The following SKA3 variants were observed in gnomAD, a reference collection of about 807,000 sequenced individuals.
SKA3 encodes spindle and kinetochore-associated protein 3.
In SKA3, 39 loss-of-function variants were observed where a neutral mutation model predicts 44.2. That is an observed-to-expected ratio of 0.88 (90% CI 0.68 to 1.15). The LOEUF is 1.15. Ranked by LOEUF, SKA3 falls within the 50% of genes most tolerant of loss-of-function variation. The probability of loss-of-function intolerance (pLI) is 0.00; values close to 1 mark genes in which losing one functional copy is unlikely to be tolerated. For synonymous variants in SKA3, 192 were observed against 172.0 expected, an observed-to-expected ratio of 1.12 and a Z score of -0.91; for missense variants, 511 against 485.8, an observed-to-expected ratio of 1.05 and a Z score of -0.49.
At chr13:21,170,881 G>T (rs917278341) in intron 3 of SKA3, among the ~76,000 whole-genome samples, 5 of 151,534 alleles carry the variant, frequency 3.3e-5, no homozygotes, top group South Asian at 4.2e-4. Flanking sequence ...GATTCCACGT[G>T]GGGGGTGGTG....
intron 4 of SKA3, among the ~76,000 whole-genome samples, chr13:21,164,066 T>G (rs922287137): frequency 1.3e-5 from 2 of 148,702 alleles, no homozygotes; most frequent in African/African-American, 5.2e-5. Flanking sequence ...GCCCGGCCTC[T>G]TCTTTTGTTA....
Position 21,169,030 on chromosome 13 carries a change from T to C in SKA3, c.332-631A>G, listed in dbSNP as rs192078474. Among the ~76,000 whole-genome samples, 567 of 152,034 alleles carry C rather than the reference T, an allele frequency of 3.7e-3. 5 individuals carry two copies. Among genetic ancestry groups the C allele is most frequent in the South Asian group, 6.4e-3 (31 of 4,828 alleles). On this transcript the variant is annotated intron_variant, in intron 3 of 8. Coordinates refer to ENST00000314759, the MANE Select transcript of SKA3 (RefSeq NM_145061.6). ...TTTTCATAATATTTTTTCTTTCTTTTTTTTTTTTCTTTCTCAGACTTCAGT... is the reference window on the plus strand; with the variant it reads ...TTTTCATAATATTTTTTCTTTCTTTCTTTTTTTTCTTTCTCAGACTTCAGT...
rs1171488239 is a variant in SKA3, at chr13:21,154,056, T to G, written c.*1094A>C. The G allele has an allele frequency of 6.6e-6, 1 of 152,266 alleles. No homozygotes were observed. The highest frequency in any genetic ancestry group is 1.9e-4 in the East Asian group (1 of 5,204). The allele number at this position is 152,266 out of a possible 1,614,324, so 9.4% of individuals were successfully genotyped here. ...AGAGCACAATGGACAGGTCCCCCAT[T>G]TGACTTTCAAGGAACAATCATAAAA... On this transcript the variant is annotated 3_prime_UTR_variant, in exon 9 of 9. Transcript: ENST00000314759.
chr13:21,167,739 C>A (rs1870789812), intron 4 of SKA3, among the ~76,000 whole-genome samples: 1 of 150,068 alleles, frequency 6.7e-6, no homozygotes, highest in African/African-American at 2.5e-5. Flanking sequence ...TGCACTCCAG[C>A]CTGGGTGACA....
At chr13:21,160,495 C>T (rs1020363355) in intron 5 of SKA3, among the ~76,000 whole-genome samples, 1 of 149,484 alleles carries the variant, frequency 6.7e-6, no homozygotes, top group Non-Finnish European at 1.5e-5. Flanking sequence ...ATAGTATCAT[C>T]GAGGCAACCT....
In SKA3 at chr13:21,170,266, G is replaced by A. The variant is rs556068980; in HGVS notation, c.332-1867C>T. ...GCAATCTCAGCTCACGGCAACCTCC[G>A]TCTCCTGGGTTCAAACAATTCTCTT... On this transcript the variant is annotated intron_variant, in intron 3 of 8. Transcript: ENST00000314759. Among the ~76,000 whole-genome samples the A allele has an allele frequency of 6.1e-4, 90 of 148,084 alleles. 2 individuals are homozygous for A. The highest frequency in any genetic ancestry group is 7.2e-3 in the Middle Eastern group (2 of 276).
At chr13:21,170,993 A>G (rs1204374475) in intron 3 of SKA3, among the ~76,000 whole-genome samples, 1 of 152,094 alleles carries the variant, frequency 6.6e-6, no homozygotes, top group Non-Finnish European at 1.5e-5. Flanking sequence ...GTGGCGTGAT[A>G]GTAGCTCACT....
At chr13:21,159,859 C>A in intron 6 of SKA3, 43 bp downstream of exon 6, 1 of 1,187,862 alleles carries the variant, frequency 8.4e-7, no homozygotes, top group Admixed American at 2.6e-5. Flanking sequence ...GTATTTGAGT[C>A]TTTAGGAGAA....
chr13:21,172,916 A>G (rs748769689), intron 1 of SKA3, among the ~76,000 whole-genome samples: 1 of 152,158 alleles, frequency 6.6e-6, no homozygotes, highest in Non-Finnish European at 1.5e-5. Flanking sequence ...GTCGCATGCT[A>G]TACAGGTTTG....
At chr13:21,169,204 A>G (rs1400934463) in intron 3 of SKA3, among the ~76,000 whole-genome samples, 1 of 119,196 alleles carries the variant, frequency 8.4e-6, no homozygotes, top group African/African-American at 3.0e-5. Context: ...AATCACAAAC[A>G]ACCTGCAGGC....
chr13:21,162,879 A>C (rs1870514343), intron 4 of SKA3, among the ~76,000 whole-genome samples: 1 of 152,092 alleles, frequency 6.6e-6, no homozygotes, highest in Non-Finnish European at 1.5e-5. Flanking sequence ...CATCTCTACA[A>C]AAAATAAAAA....
At position 21,172,596 on chromosome 13, in the gene SKA3, AAATC is replaced by A; in HGVS notation, c.165+20_165+23del. 1.4e-6 allele frequency: 2 copies of A among 1,432,476 alleles called. No individual in the cohort carries two copies. The highest frequency in any genetic ancestry group is 1.8e-6 in the Non-Finnish European group (2 of 1,087,220). The allele number at this position is 1,432,476 out of a possible 1,614,324, so 88.7% of individuals were successfully genotyped here. ...AAATTACTCGCCACAGAAAAATAAT[AAATC>A]AATATTGTAGGAGTGATACCTTTAG... On this transcript the variant is annotated intron_variant, in intron 2 of 8. Coordinates refer to ENST00000314759, the MANE Select transcript of SKA3 (RefSeq NM_145061.6).
chr13:21,163,117 GCA>G (rs1184315107), intron 4 of SKA3, among the ~76,000 whole-genome samples: 1 of 151,982 alleles, frequency 6.6e-6, no homozygotes, highest in East Asian at 1.9e-4. Flanking sequence ...AAACATTTTG[GCA>G]CAGTAGTATT....
chr13:21,175,418 C>A (rs546753301), intron 1 of SKA3, among the ~76,000 whole-genome samples: 26 of 149,010 alleles, frequency 1.7e-4, no homozygotes, highest in Non-Finnish European at 3.1e-4. Flanking sequence ...CTGGGACTAC[C>A]GGCGCCCGCC....
chr13:21,170,455 C>A lies in SKA3; in HGVS notation c.331+1884G>T, dbSNP rs1398437323. 2.6e-5 allele frequency among the ~76,000 whole-genome samples: 4 copies of A among 152,184 alleles called. No homozygotes were observed. The East Asian group carries it at 7.7e-4, about 29-fold the overall frequency. ...TTGGCCTCCCAAAGTGCTGGGATTA[C>A]AGGCATGAGCCACCGTGCCTGGCCG... is the stretch of plus-strand genomic sequence containing the variant. On this transcript the variant is annotated intron_variant, in intron 3 of 8. Coordinates refer to ENST00000314759, the MANE Select transcript of SKA3 (RefSeq NM_145061.6).
chr13:21,166,646 A>G (rs1870728423), intron 4 of SKA3, among the ~76,000 whole-genome samples: 2 of 152,196 alleles, frequency 1.3e-5, no homozygotes, highest in African/African-American at 4.8e-5. Context: ...AGGCACGAGA[A>G]TCACTTGAAC....
intron 1 of SKA3, among the ~76,000 whole-genome samples, chr13:21,173,998 T>C (rs529176879): frequency 6.6e-6 from 1 of 152,314 alleles, no homozygotes; most frequent in South Asian, 2.1e-4. Context: ...CTGCTCATCA[T>C]CACTGGCCAT....
In SKA3 at chr13:21,172,732, G is replaced by A. The variant is rs367756804; in HGVS notation, c.104-51C>T. On this transcript the variant is annotated intron_variant, in intron 1 of 8. Transcript: ENST00000314759. ...GAAGTCCAATAAATGTAAGGAAAAG[G>A]AGGAAGAAAAAGAATAGTATACAAT... 1.3e-4 allele frequency: 149 copies of A among 1,166,142 alleles called. No homozygotes were observed. The African/African-American group carries it at 1.9e-3, about 15-fold the overall frequency. 72.2% of individuals were successfully genotyped at this position (1,166,142 alleles called of 1,614,324 possible).
Position 21,176,407 on chromosome 13 carries a change from C to T in SKA3, c.71G>A (p.Arg24Gln), listed in dbSNP as rs747371893. The T allele has an allele frequency of 7.6e-6, 12 of 1,581,684 alleles. No individual in the cohort carries two copies. The highest frequency in any genetic ancestry group is 1.4e-5 in the African/African-American group (1 of 72,820). ...LASTLDCETA[R>Q]LQRALDGEES... ...CTCTCCGTCCAGCGCTCGCTGCAGC[C>T]GGGCCGTCTCGCAGTCCAGCGTGCT... Residue 24 changes from arginine to glutamine, a missense_variant, in exon 1 of 9, where the codon CGG (arginine) becomes CAG (glutamine). Transcript: ENST00000314759.
Sources: gnomAD v4.1 joint callset for allele counts (sites outside exome capture counted in the v4.1 genomes callset) on GRCh38, gnomAD v4.1.1 for gene constraint, MANE v1.5 for transcripts, NCBI Gene and HGNC (gene_info 2026-07-23, HGNC 2026-07-21) for gene names.